NAV3: variants seen among roughly 807,000 people sequenced by gnomAD.
NAV3 encodes pore membrane and/or filament interacting like protein 1.
A neutral mutation model predicts 244.7 loss-of-function variants in NAV3; 87 were observed. The observed-to-expected ratio is 0.36, with a 90% confidence interval of 0.30 to 0.42. The LOEUF (loss-of-function observed/expected upper bound fraction) is 0.42, where lower values mean the gene tolerates loss of function less well. Among genes scored for constraint, NAV3 ranks in the 20% least tolerant of loss-of-function variants. The pLI is 1.00. For missense variants in NAV3, 2,663 were observed against 2,893.3 expected (o/e 0.92, Z 1.83); for synonymous variants, 1,126 against 1,042.2 (o/e 1.08, Z -1.55).
intron 2 of NAV3, among the ~76,000 whole-genome samples, chr12:77,745,706 C>A (rs1405429399): frequency 6.6e-6 from 1 of 151,892 alleles, no homozygotes; most frequent in African/African-American, 2.4e-5. Context: ...AATAAGGAGT[C>A]AATTAGGACT....
intron 2 of NAV3, among the ~76,000 whole-genome samples, chr12:77,754,230 A>G (rs1360739114): frequency 6.6e-6 from 1 of 152,002 alleles, no homozygotes; most frequent in African/African-American, 2.4e-5. Flanking sequence ...ACTCTCCTCA[A>G]GCTGATATTG....
chr12:77,832,164 G>A (rs1873822474), intron 1 of NAV3, among the ~76,000 whole-genome samples: 1 of 152,112 alleles, frequency 6.6e-6, no homozygotes, highest in Admixed American at 6.5e-5. Flanking sequence ...TTGAAAATTT[G>A]TATCATAGGC....
chr12:77,658,514 G>C (rs1314897735), intron 2 of NAV3, among the ~76,000 whole-genome samples: 1 of 150,292 alleles, frequency 6.7e-6, no homozygotes, highest in Non-Finnish European at 1.5e-5. Context: ...AATCAATATC[G>C]TGAAAATGGC....
chr12:78,070,401 AG>A (rs1254305532), intron 12 of NAV3, among the ~76,000 whole-genome samples: 2 of 149,128 alleles, frequency 1.3e-5, no homozygotes, highest in Non-Finnish European at 3.0e-5. Flanking sequence ...ACTCAGGTGA[AG>A]TTTTTTTTTT....
chr12:77,995,794 A>G (rs1418526955), intron 6 of NAV3, among the ~76,000 whole-genome samples: 1 of 152,182 alleles, frequency 6.6e-6, no homozygotes, highest in Non-Finnish European at 1.5e-5. Flanking sequence ...AATAAATGAT[A>G]TAAATTATGA....
chr12:77,750,891 T>A (rs1012898270), intron 2 of NAV3, among the ~76,000 whole-genome samples: 2 of 152,212 alleles, frequency 1.3e-5, no homozygotes, highest in Non-Finnish European at 2.9e-5. Flanking sequence ...ACTAACAGAA[T>A]GGCAGTTTTT....
At position 78,122,244 on chromosome 12, in the gene NAV3, A is replaced by T. The variant is rs1400153359; in HGVS notation, c.4054A>T (p.Ser1352Cys). 1 of 1,614,130 alleles carries T rather than the reference A, an allele frequency of 6.2e-7. No individual in the cohort carries two copies. Among genetic ancestry groups the T allele is most frequent in the East Asian group, 2.2e-5 (1 of 44,856 alleles). The change falls in exon 16 of 40, where the codon AGT becomes TGT. Residue 1352 changes from serine (S) to cysteine (C), a missense_variant. Physicochemically the swap from Ser to Cys is moderately radical, Grantham distance 112 (BLOSUM62 -1). Transcript: ENST00000397909. Reference sequence around the variant, plus strand: ...TCTCGTGTGGGCTGCCAATATGAGCAGTTCCTCTGCAGGCAGCAAGGATAC... The same window carrying T: ...TCTCGTGTGGGCTGCCAATATGAGCTGTTCCTCTGCAGGCAGCAAGGATAC... ...GGLVWAANMS[S>C]SSAGSKDTPS...
chr12:78,188,867 A>C, intron 33 of NAV3, 90 bp downstream of exon 33: 1 of 1,234,988 alleles, frequency 8.1e-7, no homozygotes, highest in Non-Finnish European at 1.1e-6. Flanking sequence ...GTTTCCCTTA[A>C]AATTTTTCTA....
intron 9 of NAV3, among the ~76,000 whole-genome samples, chr12:78,042,031 C>T (rs939500553): frequency 6.6e-6 from 1 of 152,084 alleles, no homozygotes; most frequent in Non-Finnish European, 1.5e-5. Context: ...CTTCCCTGTC[C>T]CTCTCTTAAT....
rs1010530244 is a variant in NAV3, at chr12:77,994,864, C to T, written c.733C>T (p.Pro245Ser). 6.2e-7 allele frequency: 1 copy of T among 1,604,174 alleles called. No homozygotes were observed. The highest frequency in any genetic ancestry group is 1.3e-5 in the African/African-American group (1 of 74,446). The change falls in exon 6 of 40, where the codon CCT (proline) becomes TCT (serine). Residue 245 changes from proline to serine, a missense_variant. By Grantham distance (74) the Pro-to-Ser change is moderately conservative. Around this residue, in one of 6 missense-constraint regions of NAV3, gnomAD observed 1,521 missense variants for 1,497.0 expected, o/e 1.02. Transcript: ENST00000397909. Reference protein sequence around the residue: ...HSGIATSQKKPTRLPGPSRVP... With the variant: ...HSGIATSQKKSTRLPGPSRVP... ...TGGAATTGCAACCAGTCAAAAAAAG[C>T]CTACTAGGTCAGTTAATATTCTCTA...
intron 12 of NAV3, among the ~76,000 whole-genome samples, chr12:78,090,267 T>A (rs57046235): frequency 0.016 from 2,336 of 149,634 alleles, 56 homozygotes; most frequent in African/African-American, 0.054. Flanking sequence ...ATATATATAA[T>A]AAAGTTGAAT....
chr12:77,931,377 G>T (rs1159436656), intron 1 of NAV3, among the ~76,000 whole-genome samples: 1 of 130,672 alleles, frequency 7.7e-6, no homozygotes, highest in African/African-American at 3.0e-5. Context: ...TTCTGCATCC[G>T]CTGAGGAATG....
intron 2 of NAV3, among the ~76,000 whole-genome samples, chr12:77,598,871 T>C (rs1479833340): frequency 6.6e-6 from 1 of 152,048 alleles, no homozygotes; most frequent in Non-Finnish European, 1.5e-5. Flanking sequence ...AAGATATACC[T>C]TCTTAACAAT....
chr12:77,969,847 A>G, intron 5 of NAV3, among the ~76,000 whole-genome samples: 1 of 152,210 alleles, frequency 6.6e-6, no homozygotes, highest in East Asian at 1.9e-4. Flanking sequence ...CAAACAAACA[A>G]ACAAAAGAAC....
chr12:77,671,609 A>G (rs1232865722), intron 2 of NAV3, among the ~76,000 whole-genome samples: 1 of 152,144 alleles, frequency 6.6e-6, no homozygotes, highest in Non-Finnish European at 1.5e-5. Context: ...AAATAAAACC[A>G]AATACTTACA....
At chr12:77,762,799 A>C (rs181814756) in intron 2 of NAV3, among the ~76,000 whole-genome samples, 21 of 152,146 alleles carry the variant, frequency 1.4e-4, no homozygotes, top group African/African-American at 5.1e-4. Flanking sequence ...ATTGTGAGAA[A>C]AAGGTAGTAA....
At chr12:77,582,791 G>C (rs1422204989) in intron 2 of NAV3, among the ~76,000 whole-genome samples, 1 of 152,158 alleles carries the variant, frequency 6.6e-6, no homozygotes, top group Non-Finnish European at 1.5e-5. Context: ...TTCACATTTG[G>C]TATTTGTTCA....
At chr12:77,965,154 C>T (rs1892399689) in intron 3 of NAV3, among the ~76,000 whole-genome samples, 1 of 152,164 alleles carries the variant, frequency 6.6e-6, no homozygotes. Context: ...AGAATACCCC[C>T]AAATCCAGGG....
chr12:77,755,581 T>TCCTTTCCTTTCCTTTCCTC (rs1565800350), intron 2 of NAV3, among the ~76,000 whole-genome samples: 2 of 8,428 alleles, frequency 2.4e-4, no homozygotes, highest in Non-Finnish European at 2.1e-4. Flanking sequence ...TCCTTTCCTT[T>TCCTTTCCTTTCCTTTCCTC]CCTCCCTCCC....
Sources: gnomAD v4.1 joint callset for allele counts (sites outside exome capture counted in the v4.1 genomes callset) on GRCh38, gnomAD v4.1.1 for gene constraint, gnomAD v4.1.1 regional missense constraint, MANE v1.5 for transcripts, NCBI Gene and HGNC (gene_info 2026-07-23, HGNC 2026-07-21) for gene names.